The following UVRAG variants were observed in gnomAD, a reference collection of about 807,000 sequenced individuals.
UVRAG encodes the protein UV radiation resistance-associated gene protein.
UVRAG carries 19 observed loss-of-function variants against 78.0 expected under a neutral mutation model. The ratio of observed to expected loss-of-function variants is 0.24; its 90% CI spans 0.17 to 0.36. The LOEUF (loss-of-function observed/expected upper bound fraction) is 0.36. Ranked by LOEUF, UVRAG falls within the 10% of genes least tolerant of loss-of-function variation. The pLI is 1.00. For synonymous variants in UVRAG, 323 were observed against 324.6 expected, an observed-to-expected ratio of 1.00 and a Z score of 0.05; for missense variants, 740 against 853.8, an observed-to-expected ratio of 0.87 and a Z score of 1.66.
chr11:75,864,058 A>T (rs1207682080), intron 3 of UVRAG, among the ~76,000 whole-genome samples: 1 of 149,702 alleles, frequency 6.7e-6, no homozygotes, highest in African/African-American at 2.5e-5. Context: ...AGGTTCTATT[A>T]ACTTTTTTTT....
chr11:75,852,155 C>G (rs926900285), intron 2 of UVRAG, among the ~76,000 whole-genome samples, 155 bp downstream of exon 2: 1 of 152,106 alleles, frequency 6.6e-6, no homozygotes, highest in Non-Finnish European at 1.5e-5. Context: ...GGGATGTATA[C>G]TAAAGAAAGA....
At chr11:76,128,378 T>C (rs1952451549) in intron 14 of UVRAG, among the ~76,000 whole-genome samples, 1 of 152,170 alleles carries the variant, frequency 6.6e-6, no homozygotes, top group Non-Finnish European at 1.5e-5. Context: ...ATGGAAAAAT[T>C]GTCTTCCATG....
chr11:75,946,970 G>C (rs776752139), intron 6 of UVRAG, among the ~76,000 whole-genome samples: 1 of 152,114 alleles, frequency 6.6e-6, no homozygotes, highest in African/African-American at 2.4e-5. Flanking sequence ...AGTTTCTGGC[G>C]AGGCTCTCTC....
chr11:76,134,603 G>T (rs1952569645), intron 14 of UVRAG, among the ~76,000 whole-genome samples: 1 of 152,098 alleles, frequency 6.6e-6, no homozygotes, highest in Non-Finnish European at 1.5e-5. Context: ...ATTACCCTGT[G>T]TTCCTGTGCA....
intron 3 of UVRAG, among the ~76,000 whole-genome samples, chr11:75,871,263 C>A (rs118056282): frequency 0.031 from 4,525 of 146,784 alleles, 81 homozygotes; most frequent in South Asian, 0.068. Context: ...TGGTTATGAA[C>A]TTTTACATGG....
chr11:76,143,704 T>C lies in UVRAG; in HGVS notation c.*2291T>C, dbSNP rs917310151. 1.3e-5 allele frequency among the ~76,000 whole-genome samples: 2 copies of C among 152,278 alleles called. No homozygotes were observed. The highest frequency in any genetic ancestry group is 4.8e-5 in the African/African-American group (2 of 41,472). ...GGTAGAACCTATGGGATTACCCGTC[T>C]CCTGGAATAACTGTTTGACGTTTTC... On this transcript the variant is annotated 3_prime_UTR_variant, in exon 15 of 15. Transcript: ENST00000356136.
chr11:75,903,990 A>AACT (rs1324964314), intron 5 of UVRAG, among the ~76,000 whole-genome samples: 2 of 152,238 alleles, frequency 1.3e-5, no homozygotes, highest in Non-Finnish European at 2.9e-5. Context: ...TCATCCAATG[A>AACT]ACTAGTACAG....
chr11:75,970,284 CG>C (rs1161804755), intron 7 of UVRAG, among the ~76,000 whole-genome samples: 3 of 152,148 alleles, frequency 2.0e-5, no homozygotes, highest in African/African-American at 7.2e-5. Context: ...TATATGGAAA[CG>C]TAAGTTAACA....
At chr11:76,098,504 G>T (rs1169293754) in intron 13 of UVRAG, among the ~76,000 whole-genome samples, 1 of 152,062 alleles carries the variant, frequency 6.6e-6, no homozygotes, top group Non-Finnish European at 1.5e-5. Flanking sequence ...TTTTAAAATG[G>T]CTTTTTATTA....
At chr11:76,089,972 A>G (rs183929812) in intron 13 of UVRAG, among the ~76,000 whole-genome samples, 112 of 152,310 alleles carry the variant, frequency 7.4e-4, no homozygotes, top group African/African-American at 2.6e-3. Context: ...GTGATGGGAT[A>G]GGAAGTTGGA....
chr11:76,031,472 G>T (rs537268891), intron 12 of UVRAG, among the ~76,000 whole-genome samples: 2 of 152,304 alleles, frequency 1.3e-5, no homozygotes, highest in East Asian at 3.9e-4. Context: ...ATTGTTGTGT[G>T]TGTTGTTTTT....
chr11:75,941,548 C>T (rs1461635165), intron 6 of UVRAG, among the ~76,000 whole-genome samples: 2 of 152,150 alleles, frequency 1.3e-5, no homozygotes, highest in East Asian at 3.9e-4. Flanking sequence ...TGAGCATTTC[C>T]TTTGAAGGAA....
chr11:76,127,137 T>C (rs1952414845), intron 14 of UVRAG, among the ~76,000 whole-genome samples: 1 of 152,210 alleles, frequency 6.6e-6, no homozygotes, highest in African/African-American at 2.4e-5. Flanking sequence ...TCCTTAATGA[T>C]AGGAATCTTA....
chr11:75,894,840 A>G (rs1947306842), intron 5 of UVRAG, among the ~76,000 whole-genome samples: 1 of 151,130 alleles, frequency 6.6e-6, no homozygotes. Flanking sequence ...AGCAGAGATT[A>G]TAGATTTCTA....
chr11:76,112,861 G>A (rs1952103114), intron 13 of UVRAG, among the ~76,000 whole-genome samples: 1 of 151,824 alleles, frequency 6.6e-6, no homozygotes, highest in African/African-American at 2.4e-5. Flanking sequence ...TGAGTAGCTG[G>A]GACCATAGGC....
At chr11:75,840,472 T>C (rs1241610120) in intron 1 of UVRAG, among the ~76,000 whole-genome samples, 1 of 152,050 alleles carries the variant, frequency 6.6e-6, no homozygotes, top group African/African-American at 2.4e-5. Flanking sequence ...AGGGTAGAAA[T>C]AAGAAACCCA....
intron 14 of UVRAG, among the ~76,000 whole-genome samples, chr11:76,119,279 C>T (rs957076772): frequency 6.6e-6 from 1 of 152,146 alleles, no homozygotes; most frequent in African/African-American, 2.4e-5. Context: ...TCTAGCTTCT[C>T]CATGGCCCCA....
intron 12 of UVRAG, among the ~76,000 whole-genome samples, chr11:76,040,512 A>G (rs1460228607): frequency 1.3e-5 from 2 of 151,490 alleles, no homozygotes; most frequent in African/African-American, 4.8e-5. Flanking sequence ...GAAGATGCAC[A>G]ACACACTGGA....
intron 13 of UVRAG, among the ~76,000 whole-genome samples, chr11:76,101,396 C>T (rs2134444486): frequency 6.6e-6 from 1 of 151,914 alleles, no homozygotes; most frequent in South Asian, 2.1e-4. Context: ...TACTTTTGAA[C>T]AGACACTTTT....
Sources: gnomAD v4.1 joint callset for allele counts (sites outside exome capture counted in the v4.1 genomes callset) on GRCh38, gnomAD v4.1.1 for gene constraint, MANE v1.5 for transcripts, NCBI Gene and HGNC (gene_info 2026-07-23, HGNC 2026-07-21) for gene names.